Variants in EPPK1 observed in about 807,000 individuals in gnomAD.
EPPK1 encodes epiplakin 1.
For synonymous variants in EPPK1, 1,862 were observed against 1,721.2 expected (o/e 1.08, Z -2.03); for missense variants, 3,823 against 3,673.3 (o/e 1.04, Z -1.05).
chr8:143,867,102 C>G lies in EPPK1; in HGVS notation c.6152G>C (p.Arg2051Thr), dbSNP rs372460806. ...CGTGTTCGGGTCCACAAACCGTTTC[C>G]TCATGTGCTTCTGGTCGGAAATGAG... is the stretch of plus-strand genomic sequence containing the variant. The part of the protein sequence containing the change: ...YALISDQKHM[R>T]KRFVDPNTQE... Residue 2051 changes from arginine (R) to threonine (T), a missense_variant, in exon 2 of 2, where the codon AGG becomes ACG. Transcript: ENST00000615648. The G allele has an allele frequency of 6.2e-7, 1 of 1,612,908 alleles. No individual in the cohort carries two copies. The highest frequency in any genetic ancestry group is 8.5e-7 in the Non-Finnish European group (1 of 1,179,876).
At position 143,872,471 on chromosome 8, in the gene EPPK1, C is replaced by T; in HGVS notation, c.783G>A (p.Leu261=). 2 of 1,592,230 alleles carry T rather than the reference C, an allele frequency of 1.3e-6. No individual in the cohort carries two copies. The highest frequency in any genetic ancestry group is 1.7e-6 in the Non-Finnish European group (2 of 1,174,954). The part of the protein sequence containing the change: ...GILDEQAVQG[L]REGRLAAVDV... ...CCACTGCGGCCAGCCTGCCCTCCCG[C>T]AGACCCTGCACAGCCTGCTCGTCCA... The change falls in exon 2 of 2, where the codon CTG becomes CTA. Residue 261 remains leucine, a synonymous_variant. Transcript: ENST00000615648.
At position 143,867,385 on chromosome 8, in the gene EPPK1, C is replaced by T. The variant is rs1369905936; in HGVS notation, c.5869G>A (p.Val1957Met). The change falls in exon 2 of 2, where the codon GTG (valine) becomes ATG (methionine). Residue 1957 changes from valine to methionine, a missense_variant. Coordinates refer to ENST00000615648, the MANE Select transcript of EPPK1 (RefSeq NM_031308.4). ...CGCAGCTCCTCGTTCACCAGGCCCA[C>T]ATCCACAGCCTCATCCACAGAGAGC... ...QKLSVDEAVD[V>M]GLVNEELRER... The T allele has an allele frequency of 3.7e-6, 6 of 1,612,832 alleles. No individual in the cohort carries two copies. Among genetic ancestry groups the T allele is most frequent in the Non-Finnish European group, 5.1e-6 (6 of 1,179,884 alleles).
chr8:143,867,115 G>C lies in EPPK1; in HGVS notation c.6139C>G (p.Gln2047Glu), dbSNP rs782182155. Residue 2047 changes from glutamine (Q) to glutamate (E), a missense_variant, in exon 2 of 2, where the codon CAG becomes GAG. Physicochemically the swap from Gln to Glu is conservative, Grantham distance 29. Coordinates refer to ENST00000615648, the MANE Select transcript of EPPK1 (RefSeq NM_031308.4). The stretch of plus-strand genomic sequence containing the variant: ...ACAAACCGTTTCCTCATGTGCTTCT[G>C]GTCGGAAATGAGCGCATAGATGTCC... ...HKDIYALISD[Q>E]KHMRKRFVDP... The C allele has an allele frequency of 1.9e-6, 3 of 1,612,940 alleles. No homozygotes were observed. The highest frequency in any genetic ancestry group is 2.5e-6 in the Non-Finnish European group (3 of 1,179,826).
rs373343321 is a variant in EPPK1 at position 143,868,912 on chromosome 8, C to T, written c.4342G>A (p.Val1448Met). Residue 1448 changes from valine to methionine, a missense_variant, in exon 2 of 2, where the codon GTG becomes ATG. Coordinates refer to ENST00000615648, the MANE Select transcript of EPPK1 (RefSeq NM_031308.4). ...TVLEVDDHTAVALRAMKVPVS... is the reference protein window; with the variant it reads ...TVLEVDDHTAMALRAMKVPVS... ...GGCACCTTCATGGCCCTCAGAGCCA[C>T]CGCGGTGTGGTCGTCCACCTCAAGC... 8.8e-5 allele frequency: 142 copies of T among 1,611,004 alleles called. No homozygotes were observed. Among genetic ancestry groups the T allele is most frequent in the Non-Finnish European group, 1.1e-4 (131 of 1,179,854 alleles).
At position 143,867,931 on chromosome 8, in the gene EPPK1, G is replaced by A. The variant is rs1293813963; in HGVS notation, c.5323C>T (p.His1775Tyr). 1.2e-6 allele frequency: 2 copies of A among 1,613,450 alleles called. No individual in the cohort carries two copies. Among genetic ancestry groups the A allele is most frequent in the Non-Finnish European group, 1.7e-6 (2 of 1,179,884 alleles). Reference sequence around the variant, plus strand: ...TTTGCAGTTCTGGATTGCAACACGTGTCTCGTGGCCTCATTGATGTACACG... The same window carrying A: ...TTTGCAGTTCTGGATTGCAACACGTATCTCGTGGCCTCATTGATGTACACG... ...NYVYINEATR[H>Y]VLQSRTAKMR... The change falls in exon 2 of 2, where the codon CAC becomes TAC. Residue 1775 changes from histidine to tyrosine, a missense_variant. His to Tyr is a moderately conservative substitution (Grantham distance 83, BLOSUM62 2). Coordinates refer to ENST00000615648, the MANE Select transcript of EPPK1 (RefSeq NM_031308.4).
chr8:143,867,958 A>G lies in EPPK1; in HGVS notation c.5296T>C (p.Tyr1766His), dbSNP rs1819193949. ...CTCGTGGCCTCATTGATGTACACGT[A>G]GTTTTCTCCTTTCTTTATGATTTGT... ...LLQIIKKGEN[Y>H]VYINEATRHV... The change falls in exon 2 of 2, where the codon TAC becomes CAC. Residue 1766 changes from tyrosine (Y) to histidine (H), a missense_variant. Physicochemically the swap from Tyr to His is moderately conservative, Grantham distance 83. Coordinates refer to ENST00000615648, the MANE Select transcript of EPPK1 (RefSeq NM_031308.4). 3 of 1,613,524 alleles carry G rather than the reference A, an allele frequency of 1.9e-6. No homozygotes were observed. Among genetic ancestry groups the G allele is most frequent in the Non-Finnish European group, 2.5e-6 (3 of 1,179,934 alleles).
rs116243555 is a variant in EPPK1 at position 143,869,475 on chromosome 8, G to A, written c.3779C>T (p.Ala1260Val). The A allele has an allele frequency of 2.2e-3, 3,481 of 1,551,682 alleles. 43 individuals are homozygous for A. In the African/African-American group the frequency reaches 0.033, roughly 15 times the overall value. The change falls in exon 2 of 2, where the codon GCC (alanine) becomes GTC (valine). Residue 1260 changes from alanine to valine, a missense_variant. Transcript: ENST00000615648. ...GVLLQPSGAK[A>V]SIAQAVRDGL... is the part of the protein sequence containing the mutation. Reference sequence around the variant, plus strand: ...ATCCCTCACGGCCTGGGCGATGCTGGCCTTGGCCCCAGAGGGCTGTAGCAG... The same window carrying A: ...ATCCCTCACGGCCTGGGCGATGCTGACCTTGGCCCCAGAGGGCTGTAGCAG...
intron 1 of EPPK1, among the ~76,000 whole-genome samples, chr8:143,877,150 T>C (rs1554662401): frequency 6.6e-6 from 1 of 152,214 alleles, no homozygotes; most frequent in African/African-American, 2.4e-5. Flanking sequence ...ATGCGGCCTG[T>C]GGCTGGCTGC....
In EPPK1 at chr8:143,871,108, C is replaced by T. The variant is rs376433518; in HGVS notation, c.2146G>A (p.Gly716Ser). Residue 716 changes from glycine to serine, a missense_variant, in exon 2 of 2, where the codon GGC (glycine) becomes AGC (serine). Physicochemically the swap from Gly to Ser is moderately conservative, Grantham distance 56. Transcript: ENST00000615648. ...MQKGLIVREH[G>S]IRLLEAQIAT... Reference sequence around the variant, plus strand: ...ATCTGGGCCTCCAGCAGGCGGATGCCGTGCTCCCGGACGATGAGGCCCTTC... The same window carrying T: ...ATCTGGGCCTCCAGCAGGCGGATGCTGTGCTCCCGGACGATGAGGCCCTTC... 126 of 1,613,168 alleles carry T rather than the reference C, an allele frequency of 7.8e-5. No individual in the cohort carries two copies. In the African/African-American group the frequency reaches 1.6e-3, roughly 20 times the overall value.
chr8:143,872,227 C>T lies in EPPK1; in HGVS notation c.1027G>A (p.Val343Ile). Reference protein sequence around the residue: ...TGQRLWVDEAVRAGLVSPELH... With the variant: ...TGQRLWVDEAIRAGLVSPELH... ...TCTGGGCTGACCAGGCCCGCCCTGA[C>T]TGCCTCGTCTACCCACAGCCGCTGG... Residue 343 changes from valine to isoleucine, a missense_variant, in exon 2 of 2, where the codon GTC (valine) becomes ATC (isoleucine). Physicochemically the swap from Val to Ile is conservative, Grantham distance 29. Coordinates refer to ENST00000615648, the MANE Select transcript of EPPK1 (RefSeq NM_031308.4). The T allele has an allele frequency of 6.2e-7, 1 of 1,609,530 alleles. No homozygotes were observed. The highest frequency in any genetic ancestry group is 1.1e-5 in the South Asian group (1 of 90,600).
At chr8:143,878,230 G>C (rs1239769990) in intron 1 of EPPK1, among the ~76,000 whole-genome samples, 2 of 151,834 alleles carry the variant, frequency 1.3e-5, no homozygotes, top group Non-Finnish European at 2.9e-5. Flanking sequence ...CCCAGGGCGG[G>C]AAACCTGCCC....
At chr8:143,877,525 C>T (rs374790096) in intron 1 of EPPK1, among the ~76,000 whole-genome samples, 60 of 152,258 alleles carry the variant, frequency 3.9e-4, no homozygotes, top group African/African-American at 7.7e-4. Context: ...GGTGGAGGGC[C>T]GTTCCTGAGG....
At position 143,870,109 on chromosome 8, in the gene EPPK1, T is replaced by A; in HGVS notation, c.3145A>T (p.Ile1049Phe). 1 of 1,610,702 alleles carries A rather than the reference T, an allele frequency of 6.2e-7. No homozygotes were observed. Among genetic ancestry groups the A allele is most frequent in the Non-Finnish European group, 8.5e-7 (1 of 1,179,042 alleles). ...LLEAQVATGG[I>F]IDPTSHHHLP... ...TGGTGGTGGCTGGTGGGGTCAATGA[T>A]CCCTCCTGTGGCCACTTGAGCCTCC... The change falls in exon 2 of 2, where the codon ATC becomes TTC. Residue 1049 changes from isoleucine (I) to phenylalanine (F), a missense_variant. Physicochemically the swap from Ile to Phe is conservative, Grantham distance 21 (BLOSUM62 0). Transcript: ENST00000615648. The surrounding 1 kb of genome is among the most constrained non-coding windows in gnomAD (Gnocchi z 5.2).
At position 143,872,986 on chromosome 8, in the gene EPPK1, C is replaced by T. The variant is rs1179728664; in HGVS notation, c.268G>A (p.Gly90Ser). 11 of 1,586,566 alleles carry T rather than the reference C, an allele frequency of 6.9e-6. No homozygotes were observed. Among genetic ancestry groups the T allele is most frequent in the Non-Finnish European group, 9.4e-6 (11 of 1,165,592 alleles). ...ATGGLVDLAR[G>S]QLLPVSKALQ... ...GCCTTGGACACAGGGAGCAGCTGGC[C>T]CCGGGCGAGGTCCACCAGGCCCCCA... Residue 90 changes from glycine to serine, a missense_variant, in exon 2 of 2, where the codon GGC (glycine) becomes AGC (serine). Physicochemically the swap from Gly to Ser is moderately conservative, Grantham distance 56. Coordinates refer to ENST00000615648, the MANE Select transcript of EPPK1 (RefSeq NM_031308.4).
rs1554660244 is a variant in EPPK1, at chr8:143,869,142, C to T, written c.4112G>A (p.Gly1371Glu). ...GGCTGCCGCCTGGGGCAGGTGCACC[C>T]CGTGGACAGGGTCCACCACACCCCC... ...ATGGVVDPVH[G>E]VHLPQAAACR... Residue 1371 changes from glycine to glutamate, a missense_variant, in exon 2 of 2, where the codon GGG becomes GAG. Coordinates refer to ENST00000615648, the MANE Select transcript of EPPK1 (RefSeq NM_031308.4). 2 of 1,606,366 alleles carry T rather than the reference C, an allele frequency of 1.2e-6. No individual in the cohort carries two copies. Among genetic ancestry groups the T allele is most frequent in the Admixed American group, 1.7e-5 (1 of 59,884 alleles).
chr8:143,866,380 C>G lies in EPPK1; in HGVS notation c.6874G>C (p.Val2292Leu). Residue 2292 changes from valine to leucine, a missense_variant, in exon 2 of 2, where the codon GTG becomes CTG. Val to Leu is a conservative substitution (Grantham distance 32, BLOSUM62 1). Transcript: ENST00000615648. ...AGCTTCTCCTGGATCTCGCCGCCCA[C>G]CACGCCCGCGGCCACGGCCTCCTCC... is the stretch of plus-strand genomic sequence containing the variant. ...SVEEAVAAGV[V>L]GGEIQEKLLS... 3.2e-6 allele frequency: 3 copies of G among 930,498 alleles called. No homozygotes were observed. In the South Asian group the frequency reaches 5.3e-5, roughly 16 times the overall value. 57.6% of individuals were successfully genotyped at this position (930,498 alleles called of 1,614,324 possible).
Position 143,866,881 on chromosome 8 carries a change from G to A in EPPK1, c.6373C>T (p.Leu2125=), listed in dbSNP as rs1554659226. 6.2e-7 allele frequency: 1 copy of A among 1,613,210 alleles called. No homozygotes were observed. Among genetic ancestry groups the A allele is most frequent in the Admixed American group, 1.7e-5 (1 of 60,018 alleles). ...FRGQKPTLWA[L]LNSEYVTEEK... ...TCTGTCACGTATTCGGAATTCAGTA[G>A]TGCCCACAGTGTTGGTTTCTGGCCT... The change falls in exon 2 of 2, where the codon CTA becomes TTA. Residue 2125 remains leucine (L), a synonymous_variant. Coordinates refer to ENST00000615648, the MANE Select transcript of EPPK1 (RefSeq NM_031308.4).
rs369610998 is a variant in EPPK1 at position 143,867,034 on chromosome 8, G to C, written c.6220C>G (p.Pro2074Ala). The C allele has an allele frequency of 1.2e-6, 2 of 1,612,800 alleles. No homozygotes were observed. Among genetic ancestry groups the C allele is most frequent in the Non-Finnish European group, 1.7e-6 (2 of 1,179,838 alleles). ...SYRELQERCR[P>A]QEDTGWLLFP... ...AGCAGCCAGCCCGTGTCCTCTTGTG[G>C]GCGGCACCTCTCCTGCAGCTCTCGG... The change falls in exon 2 of 2, where the codon CCA becomes GCA. Residue 2074 changes from proline to alanine, a missense_variant. By Grantham distance (27) the Pro-to-Ala change is conservative (BLOSUM62 -1). Coordinates refer to ENST00000615648, the MANE Select transcript of EPPK1 (RefSeq NM_031308.4).
In EPPK1 at chr8:143,857,896, C is replaced by CAAAAAAA. The variant is rs35186960; in HGVS notation, c.*84_*90dup. 135 of 437,794 alleles carry CAAAAAAA rather than the reference C, an allele frequency of 3.1e-4. No individual in the cohort carries two copies. Among genetic ancestry groups the CAAAAAAA allele is most frequent in the South Asian group, 8.3e-4 (19 of 22,858 alleles). 27.1% of individuals were successfully genotyped at this position (437,794 alleles called of 1,614,324 possible). A position where few individuals can be genotyped will look rare whatever the true frequency, so the allele number is the denominator to read the frequency against. On this transcript the variant is annotated 3_prime_UTR_variant, in exon 2 of 2. Coordinates refer to ENST00000615648, the MANE Select transcript of EPPK1 (RefSeq NM_031308.4). Reference sequence around the variant, plus strand: ...GTAAAACAACAAAATTAAAGAATGACAAAAAAAAAAAAAAAAAAAAAAACA... The same window carrying CAAAAAAA: ...GTAAAACAACAAAATTAAAGAATGACAAAAAAAAAAAAAAAAAAAAAAAAAAAAAACA...
Sources: allele counts gnomAD v4.1 joint callset (sites outside exome capture counted in the v4.1 genomes callset), GRCh38; gene constraint gnomAD v4.1.1; non-coding constraint Gnocchi (gnomAD v3.1); transcripts MANE v1.5; gene names NCBI Gene and HGNC (gene_info 2026-07-23, HGNC 2026-07-21).